The following CLCN5 variants were observed in gnomAD, a reference collection of about 807,000 sequenced individuals.
CLCN5 encodes the protein H(+)/Cl(-) exchange transporter 5.
A neutral mutation model predicts 54.0 loss-of-function variants in CLCN5; 17 were observed. That is an observed-to-expected ratio of 0.31 (90% CI 0.22 to 0.47). The LOEUF (loss-of-function observed/expected upper bound fraction) is 0.47, where lower values mean the gene tolerates loss of function less well. Ranked by LOEUF, CLCN5 falls within the 20% of genes least tolerant of loss-of-function variation. The pLI is 1.00. For missense variants in CLCN5, 448 were observed against 646.7 expected, an observed-to-expected ratio of 0.69 and a Z score of 3.33; for synonymous variants, 222 against 233.0, an observed-to-expected ratio of 0.95 and a Z score of 0.43.
intron 3 of CLCN5, among the ~76,000 whole-genome samples, chrX:49,946,512 A>G (rs1221433983): frequency 8.9e-6 from 1 of 112,268 alleles, no homozygotes; most frequent in Non-Finnish European, 1.9e-5. Context: ...TTCCATAGGC[A>G]GTTCATATAA....
intron 3 of CLCN5, among the ~76,000 whole-genome samples, chrX:49,982,061 C>G (rs1267866263): frequency 9.1e-6 from 1 of 109,895 alleles, no homozygotes; most frequent in Non-Finnish European, 1.9e-5. Flanking sequence ...TGCTGTTTTG[C>G]AAAGCAGCAA....
chrX:50,038,790 T>A (rs1428977037), intron 3 of CLCN5, among the ~76,000 whole-genome samples: 3 of 112,356 alleles, frequency 2.7e-5, no homozygotes, highest in Admixed American at 9.4e-5. Flanking sequence ...TCTGCTGATG[T>A]TACATTCAAA....
rs1557194369 is a variant in CLCN5 at position 50,088,900 on chromosome X, A to T, written c.1744+16A>T. 2.5e-6 allele frequency: 3 copies of T among 1,197,275 alleles called. No homozygotes were observed. The Admixed American group carries it at 6.5e-5, about 26-fold the overall frequency. ...GCCTGCTTAGGTGAGTAGTGTTTGC[A>T]TTAATTTCAAGTTGCTACCCAGGTG... On this transcript the variant is annotated intron_variant, in intron 12 of 14. Transcript: ENST00000376091.
intron 3 of CLCN5, among the ~76,000 whole-genome samples, chrX:49,945,747 C>T (rs1347344565): frequency 9.7e-6 from 1 of 103,241 alleles, no homozygotes; most frequent in Non-Finnish European, 2.0e-5. Flanking sequence ...AGCCACCGTG[C>T]CCGGCCGCCC....
At position 50,081,456 on chromosome X, in the gene CLCN5, C is replaced by T. The variant is rs1464105373; in HGVS notation, c.727-185C>T. On this transcript the variant is annotated intron_variant, in intron 8 of 14. Transcript: ENST00000376091. ...CCCCTAAAAAGGGGGAACATGAAAG[C>T]TTAAAGAACAGTTCTTGCTTTCTTG... is the stretch of plus-strand genomic sequence containing the variant. Among the ~76,000 whole-genome samples, 4 of 111,575 alleles carry T rather than the reference C, an allele frequency of 3.6e-5. No homozygotes were observed. In the East Asian group the frequency reaches 1.1e-3, roughly 31 times the overall value.
intron 3 of CLCN5, among the ~76,000 whole-genome samples, chrX:49,960,526 A>G (rs1557174522): frequency 9.2e-6 from 1 of 108,513 alleles, no homozygotes; most frequent in African/African-American, 3.4e-5. Flanking sequence ...ATCTAGTTAT[A>G]TAGATTACCT....
chrX:50,002,687 G>C (rs957494945), intron 3 of CLCN5, among the ~76,000 whole-genome samples: 5 of 99,692 alleles, frequency 5.0e-5, no homozygotes, highest in African/African-American at 1.4e-4. Flanking sequence ...CTCTCTGTGT[G>C]TGTGTGTGTG....
At chrX:49,951,472 C>A (rs1189398741) in intron 3 of CLCN5, among the ~76,000 whole-genome samples, 1 of 112,068 alleles carries the variant, frequency 8.9e-6, no homozygotes, top group Non-Finnish European at 1.9e-5. Flanking sequence ...CTGTGTAAGG[C>A]ATTGTGTTGA....
At chrX:50,033,026 G>A (rs1931795996) in intron 3 of CLCN5, among the ~76,000 whole-genome samples, 1 of 111,018 alleles carries the variant, frequency 9.0e-6, no homozygotes, top group South Asian at 3.8e-4. Flanking sequence ...AGATCAGATA[G>A]TTGTAGATAT....
intron 3 of CLCN5, chrX:50,009,060 C>T: frequency 3.0e-6 from 1 of 336,585 alleles, no homozygotes; most frequent in Non-Finnish European, 6.0e-6. Flanking sequence ...GTAGAAGGAC[C>T]AACAACCTGT....
At chrX:49,924,574 C>A (rs1925243898) in intron 2 of CLCN5, among the ~76,000 whole-genome samples, 1 of 111,976 alleles carries the variant, frequency 8.9e-6, no homozygotes, top group African/African-American at 3.3e-5. Context: ...TTACATTTTT[C>A]TTCTTCTTTG....
intron 4 of CLCN5, among the ~76,000 whole-genome samples, chrX:50,056,767 T>A (rs1932756354): frequency 9.0e-6 from 1 of 111,074 alleles, no homozygotes; most frequent in Non-Finnish European, 1.9e-5. Flanking sequence ...GAGTAAAGAG[T>A]CAGAAGGAGG....
At chrX:49,990,177 T>TAA (rs1929186878) in intron 3 of CLCN5, among the ~76,000 whole-genome samples, 2 of 111,184 alleles carry the variant, frequency 1.8e-5, no homozygotes, top group African/African-American at 6.6e-5. Context: ...GGATAATTTT[T>TAA]TTTTTTTAAC....
chrX:50,076,584 A>G (rs1557192169), intron 7 of CLCN5, among the ~76,000 whole-genome samples: 1 of 111,384 alleles, frequency 9.0e-6, no homozygotes, highest in Non-Finnish European at 1.9e-5. Flanking sequence ...GTACAGTGAC[A>G]TGACCATAGC....
chrX:49,953,196 A>G (rs1927143147), intron 3 of CLCN5, among the ~76,000 whole-genome samples: 1 of 111,728 alleles, frequency 9.0e-6, no homozygotes, highest in Non-Finnish European at 1.9e-5. Context: ...GTGTGTGTGT[A>G]ACTTTAATAA....
chrX:50,069,638 T>C, intron 4 of CLCN5: 1 of 940,815 alleles, frequency 1.1e-6, no homozygotes, highest in South Asian at 4.3e-5. Context: ...TGTCTCTCTT[T>C]GTACTGTCAC....
intron 3 of CLCN5, among the ~76,000 whole-genome samples, chrX:50,018,724 T>A (rs782567019): frequency 8.9e-6 from 1 of 112,614 alleles, no homozygotes; most frequent in East Asian, 2.8e-4. Context: ...GTGATTTTTC[T>A]TCTTAAGCCT....
chrX:50,032,533 T>C (rs1456929729), intron 3 of CLCN5, among the ~76,000 whole-genome samples: 2 of 109,682 alleles, frequency 1.8e-5, no homozygotes. Context: ...GAGAAGTGTC[T>C]GTTCATGTCC....
intron 4 of CLCN5, among the ~76,000 whole-genome samples, chrX:50,060,346 A>T (rs1471451261): frequency 9.1e-6 from 1 of 110,349 alleles, no homozygotes; most frequent in Admixed American, 9.6e-5. Context: ...CTCACCTGGG[A>T]AGCGCAAGGG....
Sources: allele counts gnomAD v4.1 joint callset (sites outside exome capture counted in the v4.1 genomes callset), GRCh38; gene constraint gnomAD v4.1.1; transcripts MANE v1.5; gene names NCBI Gene and HGNC (gene_info 2026-07-23, HGNC 2026-07-21).